Variants in TXLNB observed in about 807,000 individuals in gnomAD.
TXLNB encodes the protein beta-taxilin.
A neutral mutation model predicts 57.4 loss-of-function variants in TXLNB; 37 were observed. The ratio of observed to expected loss-of-function variants is 0.64; its 90% CI spans 0.50 to 0.85. The LOEUF (loss-of-function observed/expected upper bound fraction) is 0.85. Ranked by LOEUF, TXLNB falls within the 40% of genes least tolerant of loss-of-function variation. The pLI, the probability that TXLNB is intolerant of heterozygous loss-of-function variation, is 0.00. For missense variants in TXLNB, 848 were observed against 825.6 expected (o/e 1.03, Z -0.33); for synonymous variants, 302 against 309.6 (o/e 0.98, Z 0.26).
chr6:139,310,191 C>A, the TXLNB span, among the ~76,000 whole-genome samples: 1 of 152,128 alleles, frequency 6.6e-6, no homozygotes, highest in African/African-American at 2.4e-5. Context: ...GAAAGAGTAA[C>A]CTACAGACTG....
the TXLNB span, chr6:139,166,325 C>T: frequency 3.7e-6 from 6 of 1,612,466 alleles, no homozygotes; most frequent in Non-Finnish European, 5.1e-6. Flanking sequence ...CTTCGGTAGG[C>T]CGGTGGACCT....
intron 4 of TXLNB, among the ~76,000 whole-genome samples, chr6:139,265,985 A>T (rs1484924961): frequency 6.6e-6 from 1 of 152,244 alleles, no homozygotes; most frequent in Non-Finnish European, 1.5e-5. Flanking sequence ...CACAAATCTG[A>T]TTGGCCTTGA....
the TXLNB span, chr6:139,183,179 TTAAATC>T: frequency 6.6e-6 from 1 of 152,216 alleles, no homozygotes; most frequent in African/African-American, 2.4e-5. Flanking sequence ...CCCAAAGAAG[TTAAATC>T]TAAGTAAGTT....
the TXLNB span, among the ~76,000 whole-genome samples, chr6:139,165,585 T>C: frequency 7.5e-6 from 1 of 133,040 alleles, no homozygotes; most frequent in Non-Finnish European, 1.6e-5. Flanking sequence ...TGGCAACCAC[T>C]TTTTTTTTTT....
chr6:139,177,265 C>G, the TXLNB span: 2 of 524,482 alleles, frequency 3.8e-6, no homozygotes, highest in African/African-American at 3.8e-5. The surrounding 1 kb of genome is among the most constrained non-coding windows in gnomAD (Gnocchi z 4.9). Context: ...CTTGCCCTGT[C>G]TTGATTCCCG....
chr6:139,259,126 C>T (rs1776417691), intron 6 of TXLNB, among the ~76,000 whole-genome samples: 1 of 152,110 alleles, frequency 6.6e-6, no homozygotes, highest in African/African-American at 2.4e-5. Flanking sequence ...CTGCCATATC[C>T]CTAAACCAAG....
chr6:139,199,885 T>G, the TXLNB span: 80 of 152,328 alleles, frequency 5.3e-4, 1 homozygote, highest in Admixed American at 4.6e-3. Flanking sequence ...GACTCAATTT[T>G]AAGACTTTAA....
the TXLNB span, among the ~76,000 whole-genome samples, chr6:139,232,030 G>A: frequency 6.6e-6 from 1 of 152,162 alleles, no homozygotes; most frequent in Non-Finnish European, 1.5e-5. Context: ...AATCTGGCCT[G>A]TGGTATCACA....
chr6:139,192,975 CA>C, the TXLNB span, among the ~76,000 whole-genome samples: 17 of 143,372 alleles, frequency 1.2e-4, no homozygotes, highest in East Asian at 2.1e-4. Context: ...AAACAAAAAA[CA>C]AAAAAAAAAA....
At chr6:139,266,932 C>G (rs1333944840) in intron 4 of TXLNB, among the ~76,000 whole-genome samples, 1 of 136,720 alleles carries the variant, frequency 7.3e-6, no homozygotes, top group Non-Finnish European at 1.5e-5. Flanking sequence ...TTTTAAAAGC[C>G]AGTATAGTGG....
At chr6:139,171,405 A>G in the TXLNB span, among the ~76,000 whole-genome samples, 2 of 152,230 alleles carry the variant, frequency 1.3e-5, no homozygotes, top group Non-Finnish European at 2.9e-5. Context: ...TGTGCCCACA[A>G]AGATACTGAG....
the TXLNB span, among the ~76,000 whole-genome samples, chr6:139,191,422 A>AAAAAAT: frequency 1.3e-5 from 2 of 152,234 alleles, no homozygotes; most frequent in African/African-American, 4.8e-5. Context: ...TCTGTCTCAA[A>AAAAAAT]AAAAATAAAA....
At chr6:139,257,593 C>A (rs964469077) in intron 6 of TXLNB, among the ~76,000 whole-genome samples, 4 of 152,052 alleles carry the variant, frequency 2.6e-5, no homozygotes, top group African/African-American at 7.2e-5. Context: ...TCGGTCAGTG[C>A]GTTTTACAGA....
downstream of TXLNB, among the ~76,000 whole-genome samples, chr6:139,236,065 C>T (rs1391865572): frequency 6.6e-5 from 10 of 152,138 alleles, no homozygotes; most frequent in Non-Finnish European, 2.9e-5. Flanking sequence ...TTCTGGCCTC[C>T]CCATTCACCT....
At chr6:139,199,026 T>C in the TXLNB span, among the ~76,000 whole-genome samples, 2 of 151,940 alleles carry the variant, frequency 1.3e-5, no homozygotes, top group Non-Finnish European at 2.9e-5. Context: ...ATCTCTTTCA[T>C]GCTGGGATCC....
rs1429501434 is a variant in TXLNB, at chr6:139,266,930, G to A, written c.687+3526C>T. Among the ~76,000 whole-genome samples, 4 of 141,132 alleles carry A rather than the reference G, an allele frequency of 2.8e-5. No individual in the cohort carries two copies. In the East Asian group the frequency reaches 8.1e-4, roughly 29 times the overall value. The allele number at this position is 141,132 out of a possible 152,430, so 92.6% of individuals were successfully genotyped here. A position where few individuals can be genotyped will look rare whatever the true frequency, so the allele number is the denominator to read the frequency against. ...TTGATTTTCATGAGAAATTTTAAAA[G>A]CCAGTATAGTGGCACATTTATTTAA... On this transcript the variant is annotated intron_variant, in intron 4 of 9. Transcript: ENST00000358430.
At chr6:139,208,972 T>C in the TXLNB span, among the ~76,000 whole-genome samples, 6 of 152,076 alleles carry the variant, frequency 3.9e-5, no homozygotes, top group Non-Finnish European at 7.4e-5. Context: ...ATAAAGGACA[T>C]CCAAATCGGT....
chr6:139,168,422 A>G, the TXLNB span, among the ~76,000 whole-genome samples: 2 of 144,402 alleles, frequency 1.4e-5, no homozygotes, highest in East Asian at 2.1e-4. Context: ...TTTGATTTGC[A>G]TAGTTTTTTT....
upstream of TXLNB, among the ~76,000 whole-genome samples, chr6:139,292,340 C>T: frequency 6.6e-6 from 1 of 152,160 alleles, no homozygotes; most frequent in East Asian, 1.9e-4. This position sits in a 1 kb window ranked among gnomAD's most constrained non-coding sequence, Gnocchi z 4.0. Flanking sequence ...CAGTCTTTCA[C>T]CATTGTTGTC....
Sources: gnomAD v4.1 joint callset for allele counts (sites outside exome capture counted in the v4.1 genomes callset) on GRCh38, gnomAD v4.1.1 for gene constraint, Gnocchi (gnomAD v3.1) non-coding constraint, MANE v1.5 for transcripts, NCBI Gene and HGNC (gene_info 2026-07-23, HGNC 2026-07-21) for gene names.